Variants in GALNTL6 observed in about 807,000 individuals in gnomAD.
GALNTL6 encodes the protein polypeptide N-acetylgalactosaminyltransferase-like 6.
A neutral mutation model predicts 73.7 loss-of-function variants in GALNTL6; 46 were observed. That is an observed-to-expected ratio of 0.62 (90% CI 0.49 to 0.80). GALNTL6 has a LOEUF of 0.80. Among genes scored for constraint, GALNTL6 ranks in the 30% least tolerant of loss-of-function variants. The pLI is 0.00. For synonymous variants in GALNTL6, 259 were observed against 263.7 expected (o/e 0.98, Z 0.17); for missense variants, 604 against 755.0 (o/e 0.80, Z 2.34).
chr4:171,978,732 T>C (rs1287370562), intron 2 of GALNTL6, among the ~76,000 whole-genome samples: 3 of 152,192 alleles, frequency 2.0e-5, no homozygotes, highest in Non-Finnish European at 4.4e-5. Flanking sequence ...AATTTTGACT[T>C]GATTTTAATA....
chr4:172,536,970 A>T (rs577045357), intron 5 of GALNTL6, among the ~76,000 whole-genome samples: 65 of 152,260 alleles, frequency 4.3e-4, no homozygotes, highest in African/African-American at 1.5e-3. Context: ...TCAGACTTGC[A>T]TGGGACTTGT....
chr4:172,535,291 T>C (rs558855793), intron 5 of GALNTL6, among the ~76,000 whole-genome samples: 1 of 152,326 alleles, frequency 6.6e-6, no homozygotes, highest in Admixed American at 6.5e-5. Context: ...CATCTTTGCA[T>C]TGGTAATAGA....
chr4:172,010,991 T>C (rs902991825), intron 2 of GALNTL6, among the ~76,000 whole-genome samples: 3 of 152,054 alleles, frequency 2.0e-5, no homozygotes, highest in African/African-American at 7.2e-5. Context: ...AATAGAGAAA[T>C]TGCAACCCAG....
intron 5 of GALNTL6, among the ~76,000 whole-genome samples, chr4:172,701,641 A>C (rs1401031942): frequency 6.6e-6 from 1 of 152,072 alleles, no homozygotes; most frequent in Non-Finnish European, 1.5e-5. Flanking sequence ...TCGGAATAGG[A>C]CCTCAAGAAA....
At chr4:172,381,834 A>T (rs1743295585) in intron 5 of GALNTL6, among the ~76,000 whole-genome samples, 1 of 152,222 alleles carries the variant, frequency 6.6e-6, no homozygotes, top group Non-Finnish European at 1.5e-5. Context: ...GAAGAAAATC[A>T]TTTTATTTAT....
chr4:172,915,447 A>G (rs923869835), intron 8 of GALNTL6, among the ~76,000 whole-genome samples: 3 of 152,216 alleles, frequency 2.0e-5, no homozygotes, highest in Admixed American at 2.0e-4. Context: ...CAAAAATTCA[A>G]TGAATCCAGC....
intron 2 of GALNTL6, among the ~76,000 whole-genome samples, chr4:171,967,455 T>TTTTTTTTTG (rs1553976687): frequency 3.5e-4 from 51 of 146,794 alleles, no homozygotes; most frequent in Non-Finnish European, 4.4e-4. Flanking sequence ...GGGTTTTTTT[T>TTTTTTTTTG]TTTTTTTTTT....
At chr4:172,692,562 A>G (rs1274335815) in intron 5 of GALNTL6, among the ~76,000 whole-genome samples, 1 of 152,090 alleles carries the variant, frequency 6.6e-6, no homozygotes, top group African/African-American at 2.4e-5. Context: ...TTAAATTTGA[A>G]TTTCTTGTGT....
At chr4:172,678,708 G>T (rs944695507) in intron 5 of GALNTL6, among the ~76,000 whole-genome samples, 3 of 152,098 alleles carry the variant, frequency 2.0e-5, no homozygotes, top group African/African-American at 7.2e-5. Context: ...GTTTCTTTGT[G>T]GACATAGAAA....
At chr4:173,027,393 A>G (rs1161715466) in intron 12 of GALNTL6, among the ~76,000 whole-genome samples, 2 of 152,252 alleles carry the variant, frequency 1.3e-5, no homozygotes, top group African/African-American at 4.8e-5. Context: ...ATCAATCACC[A>G]TTTATTTAAA....
intron 5 of GALNTL6, among the ~76,000 whole-genome samples, chr4:172,784,440 G>T (rs1026661983): frequency 8.6e-5 from 13 of 151,994 alleles, no homozygotes. Flanking sequence ...TATTGCTTTT[G>T]TAAAAAAATA....
intron 2 of GALNTL6, chr4:172,052,353 C>A: frequency 1.2e-6 from 1 of 867,668 alleles, no homozygotes; most frequent in Non-Finnish European, 1.8e-6. Context: ...TGGGCTTGAA[C>A]ACGCCCTTGA....
intron 2 of GALNTL6, among the ~76,000 whole-genome samples, chr4:171,898,479 T>A (rs537377019): frequency 1.9e-4 from 29 of 152,208 alleles, no homozygotes; most frequent in African/African-American, 6.7e-4. Flanking sequence ...GAATGATAAA[T>A]AAATTTTTAT....
intron 7 of GALNTL6, among the ~76,000 whole-genome samples, chr4:172,837,264 A>G (rs1464716430): frequency 6.6e-6 from 1 of 152,246 alleles, no homozygotes; most frequent in Non-Finnish European, 1.5e-5. Flanking sequence ...TTTGTGGTCC[A>G]GGATTAGATC....
chr4:172,246,560 A>C (rs1452295248), intron 3 of GALNTL6, among the ~76,000 whole-genome samples: 2 of 151,994 alleles, frequency 1.3e-5, no homozygotes, highest in Non-Finnish European at 2.9e-5. Flanking sequence ...TACATCACAA[A>C]TATTTTTATA....
intron 5 of GALNTL6, among the ~76,000 whole-genome samples, chr4:172,614,255 C>T (rs1034383575): frequency 6.6e-6 from 1 of 151,938 alleles, no homozygotes; most frequent in Admixed American, 6.6e-5. Context: ...ATAAAATGGC[C>T]TATAGAAAAA....
intron 5 of GALNTL6, among the ~76,000 whole-genome samples, chr4:172,473,113 T>C (rs1733112132): frequency 2.0e-5 from 3 of 152,186 alleles, no homozygotes; most frequent in Admixed American, 2.0e-4. Flanking sequence ...CCACTACACC[T>C]AACAACTTCT....
At chr4:172,344,480 T>C (rs1741674154) in intron 4 of GALNTL6, among the ~76,000 whole-genome samples, 1 of 152,226 alleles carries the variant, frequency 6.6e-6, no homozygotes, top group Non-Finnish European at 1.5e-5. Flanking sequence ...ACCCTCATTA[T>C]TTTTTGCTAG....
At chr4:172,689,137 G>A (rs1047397504) in intron 5 of GALNTL6, among the ~76,000 whole-genome samples, 6 of 152,096 alleles carry the variant, frequency 3.9e-5, no homozygotes, top group Non-Finnish European at 7.3e-5. Context: ...CTGACACCTA[G>A]AACTCTTCAT....
Sources: gnomAD v4.1 joint callset for allele counts (sites outside exome capture counted in the v4.1 genomes callset) on GRCh38, gnomAD v4.1.1 for gene constraint, MANE v1.5 for transcripts, NCBI Gene and HGNC (gene_info 2026-07-23, HGNC 2026-07-21) for gene names.